The following CABLES1 variants were observed in gnomAD, a reference collection of about 807,000 sequenced individuals.
CABLES1 encodes the protein CDK5 and ABL1 enzyme substrate 1.
Under a neutral mutation model 57.8 loss-of-function variants are expected in CABLES1, and 36 were observed. That is an observed-to-expected ratio of 0.62 (90% CI 0.48 to 0.82). The LOEUF (loss-of-function observed/expected upper bound fraction) is 0.82. Ranked by LOEUF, CABLES1 falls within the 40% of genes least tolerant of loss-of-function variation. The pLI, the probability that CABLES1 is intolerant of heterozygous loss-of-function variation, is 0.00. For missense variants in CABLES1, 767 were observed against 836.6 expected (o/e 0.92, Z 1.03); for synonymous variants, 374 against 363.0 (o/e 1.03, Z -0.35).
chr18:23,257,089 T>G, intron 9 of CABLES1, 138 bp from the exon 10 acceptor site: 1 of 943,362 alleles, frequency 1.1e-6, no homozygotes, highest in Non-Finnish European at 1.6e-6. Context: ...GTGCCTCCCT[T>G]TCTTCCTCCA....
chr18:23,205,030 G>A (rs1209047261), intron 3 of CABLES1, among the ~76,000 whole-genome samples: 1 of 152,098 alleles, frequency 6.6e-6, no homozygotes, highest in Non-Finnish European at 1.5e-5. Context: ...TCAGTCCTTG[G>A]TCTGCACCAT....
chr18:23,157,119 G>A (rs998672188), intron 1 of CABLES1, among the ~76,000 whole-genome samples: 1 of 152,144 alleles, frequency 6.6e-6, no homozygotes, highest in African/African-American at 2.4e-5. Flanking sequence ...ACTGGACTCG[G>A]TGGCTCACAC....
intron 4 of CABLES1, among the ~76,000 whole-genome samples, chr18:23,231,296 TA>T (rs1363377515): frequency 1.3e-5 from 2 of 152,234 alleles, no homozygotes; most frequent in Non-Finnish European, 2.9e-5. Context: ...TAATTAAAAT[TA>T]AATAAAAATT....
chr18:23,142,382 C>G (rs966993293), intron 1 of CABLES1, among the ~76,000 whole-genome samples: 2 of 152,020 alleles, frequency 1.3e-5, no homozygotes, highest in African/African-American at 4.8e-5. Flanking sequence ...CCTGGGGAGG[C>G]AGTCAGTCCC....
At chr18:23,153,240 C>T (rs1301040205) in intron 1 of CABLES1, among the ~76,000 whole-genome samples, 3 of 152,008 alleles carry the variant, frequency 2.0e-5, no homozygotes, top group Non-Finnish European at 4.4e-5. Context: ...GGCCTACGGG[C>T]ATGCACTACC....
chr18:23,223,654 A>G (rs563868113), intron 4 of CABLES1, among the ~76,000 whole-genome samples: 2 of 150,168 alleles, frequency 1.3e-5, no homozygotes, highest in Non-Finnish European at 3.0e-5. Flanking sequence ...GGGATGCTCT[A>G]TCCTGTCCCT....
At chr18:23,219,313 A>AT (rs1398075549) in intron 4 of CABLES1, 3 of 454,032 alleles carry the variant, frequency 6.6e-6, no homozygotes, top group Non-Finnish European at 1.3e-5. Flanking sequence ...TAGCAAAAAC[A>AT]TTGAGTCCTA....
intron 1 of CABLES1, among the ~76,000 whole-genome samples, chr18:23,186,807 C>T (rs1186422378): frequency 6.6e-6 from 1 of 152,236 alleles, no homozygotes; most frequent in Non-Finnish European, 1.5e-5. Context: ...AGGCATTCTC[C>T]TGTGTAGAAT....
intron 1 of CABLES1, among the ~76,000 whole-genome samples, chr18:23,178,918 C>G (rs916514579): frequency 1.3e-5 from 2 of 152,198 alleles, no homozygotes; most frequent in African/African-American, 4.8e-5. Flanking sequence ...TGATTGGCAA[C>G]TCTAGTGTAT....
intron 3 of CABLES1, chr18:23,204,459 T>A (rs1004394254): frequency 8.5e-5 from 13 of 152,332 alleles, no homozygotes; most frequent in African/African-American, 2.6e-4. Context: ...ACCAGTTTGA[T>A]TTGAAGAAAT....
rs147641667 is a variant in CABLES1 at position 23,200,551 on chromosome 18, C to T, written c.1010+6011C>T. Among the ~76,000 whole-genome samples, 25 of 152,114 alleles carry T rather than the reference C, an allele frequency of 1.6e-4. No individual in the cohort carries two copies. In the East Asian group the frequency reaches 2.5e-3, roughly 15 times the overall value. On this transcript the variant is annotated intron_variant, in intron 3 of 9. Coordinates refer to ENST00000256925, the MANE Select transcript of CABLES1 (RefSeq NM_001100619.3). Reference sequence around the variant, plus strand: ...TGCTGGGATTACAGGCGTGAGCCACCGTGCCCGGTCAGGAGAGGGTAGATT... The same window carrying T: ...TGCTGGGATTACAGGCGTGAGCCACTGTGCCCGGTCAGGAGAGGGTAGATT...
At chr18:23,234,073 C>A (rs935687437) in intron 4 of CABLES1, among the ~76,000 whole-genome samples, 15 of 152,076 alleles carry the variant, frequency 9.9e-5, no homozygotes, top group African/African-American at 3.6e-4. Context: ...AAAAAATTAG[C>A]CGGCCGTGGT....
intron 4 of CABLES1, among the ~76,000 whole-genome samples, chr18:23,226,719 C>T (rs913986543): frequency 6.6e-6 from 1 of 152,154 alleles, no homozygotes; most frequent in Non-Finnish European, 1.5e-5. Flanking sequence ...CTAGAATTGT[C>T]CCTATGCATA....
At chr18:23,202,455 A>C (rs1468340395) in intron 3 of CABLES1, among the ~76,000 whole-genome samples, 2 of 152,246 alleles carry the variant, frequency 1.3e-5, no homozygotes, top group Non-Finnish European at 2.9e-5. Context: ...GCAGTTGGCA[A>C]GTGGAACCTG....
chr18:23,188,788 C>A, intron 1 of CABLES1, 50 bp from the exon 2 acceptor site: 2 of 1,241,368 alleles, frequency 1.6e-6, no homozygotes, highest in Non-Finnish European at 2.4e-6. Context: ...AATGTCTGAT[C>A]AGTTCTGCAA....
At chr18:23,151,183 T>TA (rs2046927996) in intron 1 of CABLES1, among the ~76,000 whole-genome samples, 1 of 151,968 alleles carries the variant, frequency 6.6e-6, no homozygotes. Context: ...CACGCCCGGC[T>TA]AATTTTTGTA....
intron 7 of CABLES1, among the ~76,000 whole-genome samples, chr18:23,243,091 A>G (rs942161529): frequency 4.6e-5 from 7 of 151,326 alleles, no homozygotes; most frequent in South Asian, 4.2e-4. Flanking sequence ...AGAATATAGA[A>G]CTATATATAT....
chr18:23,173,568 A>G (rs1201649223), intron 1 of CABLES1, among the ~76,000 whole-genome samples: 1 of 152,132 alleles, frequency 6.6e-6, no homozygotes, highest in Non-Finnish European at 1.5e-5. Context: ...ATTACTGTAT[A>G]TTTTTTCCCA....
At chr18:23,235,128 G>A (rs565158512) in intron 5 of CABLES1, among the ~76,000 whole-genome samples, 5 of 152,294 alleles carry the variant, frequency 3.3e-5, no homozygotes, top group Admixed American at 1.3e-4. Context: ...GCCCCAGGGC[G>A]GTCACATTCC....
Sources: allele counts gnomAD v4.1 joint callset (sites outside exome capture counted in the v4.1 genomes callset), GRCh38; gene constraint gnomAD v4.1.1; transcripts MANE v1.5; gene names NCBI Gene and HGNC (gene_info 2026-07-23, HGNC 2026-07-21).